VGLL4: variants seen among roughly 807,000 people sequenced by gnomAD.
The protein encoded by VGLL4 is vestigial like family member 4, also known as transcription cofactor vestigial-like protein 4.
In VGLL4, 7 loss-of-function variants were observed where a neutral mutation model predicts 21.0. The observed-to-expected ratio is 0.33, with a 90% CI of 0.19 to 0.63. The LOEUF (loss-of-function observed/expected upper bound fraction) is 0.63, where lower values mean the gene tolerates loss of function less well. VGLL4 is among the 20% of genes least tolerant of loss of function. The probability of loss-of-function intolerance (pLI) is 0.78; values close to 1 mark genes in which losing one functional copy is unlikely to be tolerated. For synonymous variants in VGLL4, 222 were observed against 173.2 expected, an observed-to-expected ratio of 1.28 and a Z score of -2.21; for missense variants, 394 against 425.7, an observed-to-expected ratio of 0.93 and a Z score of 0.66.
intron 2 of VGLL4, among the ~76,000 whole-genome samples, chr3:11,694,190 A>G (rs1438995412): frequency 6.6e-6 from 1 of 152,226 alleles, no homozygotes; most frequent in Non-Finnish European, 1.5e-5. Context: ...AGTTCATGAG[A>G]AATTTTTACT....
At chr3:11,677,724 G>C (rs1037439380) in intron 2 of VGLL4, among the ~76,000 whole-genome samples, 2 of 151,938 alleles carry the variant, frequency 1.3e-5, no homozygotes, top group African/African-American at 2.4e-5. Flanking sequence ...GTGGATCATG[G>C]TAAAACCTAG....
chr3:11,709,264 C>T (rs1219829167), intron 1 of VGLL4, among the ~76,000 whole-genome samples: 3 of 151,286 alleles, frequency 2.0e-5, no homozygotes, highest in Non-Finnish European at 4.4e-5. Flanking sequence ...AGAGAAACCC[C>T]GTCTCTTCTA....
intron 2 of VGLL4, chr3:11,693,154 G>C (rs761324897): frequency 1.5e-5 from 3 of 203,702 alleles, no homozygotes; most frequent in South Asian, 1.2e-4. Flanking sequence ...CTGGGCAACA[G>C]AGCAAGACCC....
intron 1 of VGLL4, among the ~76,000 whole-genome samples, chr3:11,603,353 G>GA (rs1413472558): frequency 2.0e-5 from 3 of 152,104 alleles, no homozygotes; most frequent in Non-Finnish European, 4.4e-5. Context: ...CATTTTAAAT[G>GA]AGATACCTAA....
chr3:11,688,805 G>C (rs538582600), intron 2 of VGLL4, among the ~76,000 whole-genome samples: 1 of 152,210 alleles, frequency 6.6e-6, no homozygotes, highest in East Asian at 1.9e-4. Flanking sequence ...GATCACCTGA[G>C]GTCAGGAGTT....
At chr3:11,672,812 C>T (rs1004546993) in intron 2 of VGLL4, among the ~76,000 whole-genome samples, 11 of 152,186 alleles carry the variant, frequency 7.2e-5, no homozygotes, top group African/African-American at 2.7e-4. Context: ...AAGGCAGAGA[C>T]AGCCAATGAT....
intron 1 of VGLL4, among the ~76,000 whole-genome samples, chr3:11,638,824 G>A (rs920879972): frequency 6.6e-6 from 1 of 152,140 alleles, no homozygotes; most frequent in Non-Finnish European, 1.5e-5. Context: ...TCAACCGCTG[G>A]TGGTTAGACT....
intron 2 of VGLL4, among the ~76,000 whole-genome samples, chr3:11,668,192 T>G (rs1205137479): frequency 6.6e-6 from 1 of 151,982 alleles, no homozygotes; most frequent in Non-Finnish European, 1.5e-5. Context: ...ACAACTCATT[T>G]CTTCAAGATA....
intron 1 of VGLL4, among the ~76,000 whole-genome samples, chr3:11,625,717 AT>A (rs10707702): frequency 0.42 from 63,796 of 150,256 alleles, 14,703 homozygotes; most frequent in Non-Finnish European, 0.54. Context: ...CTTTAAAAAC[AT>A]TTTTTTTTTT....
intron 2 of VGLL4, among the ~76,000 whole-genome samples, chr3:11,692,843 C>T (rs929802451): frequency 1.3e-5 from 2 of 152,040 alleles, no homozygotes; most frequent in Admixed American, 6.6e-5. Flanking sequence ...CCTCCCCCAC[C>T]CAGTCTACTG....
chr3:11,673,009 G>A (rs1178719687), intron 2 of VGLL4, among the ~76,000 whole-genome samples: 2 of 152,122 alleles, frequency 1.3e-5, no homozygotes, highest in Non-Finnish European at 2.9e-5. Flanking sequence ...CACAACAAAA[G>A]ACCCAGCCAC....
chr3:11,619,380 A>G (rs1164550757), intron 1 of VGLL4, among the ~76,000 whole-genome samples: 2 of 152,106 alleles, frequency 1.3e-5, no homozygotes, highest in African/African-American at 4.8e-5. Flanking sequence ...ATATAAAGTG[A>G]CATACATCAC....
At chr3:11,577,734 T>C (rs1173017307) in intron 2 of VGLL4, among the ~76,000 whole-genome samples, 5 of 152,198 alleles carry the variant, frequency 3.3e-5, no homozygotes, top group African/African-American at 1.2e-4. Flanking sequence ...TTAAACACTA[T>C]CCAGACAGCT....
At chr3:11,697,586 C>T (rs748669311) in intron 2 of VGLL4, among the ~76,000 whole-genome samples, 2 of 131,646 alleles carry the variant, frequency 1.5e-5, no homozygotes, top group African/African-American at 6.0e-5. Context: ...CCAGAAGTCA[C>T]CATGATCTTG....
intron 1 of VGLL4, among the ~76,000 whole-genome samples, chr3:11,713,337 T>G (rs2076874350): frequency 6.6e-6 from 1 of 152,056 alleles, no homozygotes; most frequent in Non-Finnish European, 1.5e-5. Flanking sequence ...TCATTTGCTA[T>G]TCCAGCTTTC....
chr3:11,670,966 G>A (rs1347466190), intron 2 of VGLL4, among the ~76,000 whole-genome samples: 1 of 152,228 alleles, frequency 6.6e-6, no homozygotes, highest in African/African-American at 2.4e-5. Flanking sequence ...GAACCCAGGA[G>A]GCAGAGGTTG....
chr3:11,665,624 T>C (rs1286715249), intron 2 of VGLL4, among the ~76,000 whole-genome samples: 1 of 152,232 alleles, frequency 6.6e-6, no homozygotes, highest in Non-Finnish European at 1.5e-5. Flanking sequence ...GTCCTGACCA[T>C]GCCTGAAGGC....
chr3:11,634,030 A>G (rs538204085), intron 1 of VGLL4, among the ~76,000 whole-genome samples: 3 of 152,268 alleles, frequency 2.0e-5, no homozygotes, highest in Non-Finnish European at 2.9e-5. Flanking sequence ...TCTTCAACCT[A>G]TTCCACCCTT....
At chr3:11,703,077 T>A (rs754028246) in intron 1 of VGLL4, 4 of 1,510,422 alleles carry the variant, frequency 2.6e-6, no homozygotes, top group Admixed American at 2.0e-5. Flanking sequence ...GGGGAAAAAA[T>A]AATTTAAACA....
Sources: allele counts gnomAD v4.1 joint callset (sites outside exome capture counted in the v4.1 genomes callset), GRCh38; gene constraint gnomAD v4.1.1; transcripts MANE v1.5; gene names NCBI Gene and HGNC (gene_info 2026-07-23, HGNC 2026-07-21).